ARG2: variants seen among roughly 807,000 people sequenced by gnomAD.
The protein encoded by ARG2 is arginase-2, mitochondrial.
In ARG2, 21 loss-of-function variants were observed where a neutral mutation model predicts 39.4. The ratio of observed to expected loss-of-function variants is 0.53; its 90% confidence interval spans 0.38 to 0.77. ARG2 has a LOEUF of 0.77. Among genes scored for constraint, ARG2 ranks in the 30% least tolerant of loss-of-function variants. ARG2 has a pLI of 0.00. For missense variants in ARG2, 378 were observed against 426.2 expected, an observed-to-expected ratio of 0.89 and a Z score of 1.00; for synonymous variants, 150 against 156.7, an observed-to-expected ratio of 0.96 and a Z score of 0.32.
chr14:67,645,457 G>A (rs1166444739), intron 3 of ARG2, among the ~76,000 whole-genome samples, 186 bp from the exon 4 acceptor site: 1 of 152,122 alleles, frequency 6.6e-6, no homozygotes, highest in East Asian at 1.9e-4. Flanking sequence ...GAATCTCTAG[G>A]GCTTTATCAC....
intron 2 of ARG2, among the ~76,000 whole-genome samples, chr14:67,641,149 T>C (rs1421216561): frequency 6.6e-6 from 1 of 152,166 alleles, no homozygotes; most frequent in Non-Finnish European, 1.5e-5. Context: ...TCTGATGGTT[T>C]AATGCACACA....
chr14:67,639,170 C>T (rs2037004090), intron 2 of ARG2, among the ~76,000 whole-genome samples: 2 of 152,200 alleles, frequency 1.3e-5, no homozygotes, highest in Admixed American at 6.5e-5. Context: ...TCTTTAGGTT[C>T]CTTTTTAGGC....
At chr14:67,622,678 T>C (rs1251177724) in intron 2 of ARG2, among the ~76,000 whole-genome samples, 1 of 152,232 alleles carries the variant, frequency 6.6e-6, no homozygotes, top group African/African-American at 2.4e-5. Flanking sequence ...AAAAGAATCA[T>C]TTTACACTGA....
Position 67,620,044 on chromosome 14 carries a change from G to T in ARG2, c.67G>T (p.Val23Phe), listed in dbSNP as rs1321534621. 4 of 1,611,802 alleles carry T rather than the reference G, an allele frequency of 2.5e-6. No homozygotes were observed. Among genetic ancestry groups the T allele is most frequent in the South Asian group, 1.1e-5 (1 of 90,716 alleles). The stretch of plus-strand genomic sequence containing the variant: ...AGTGCATTCCATCCTGAAGAAATCC[G>T]TCCACTCCGTGGCTGTGATAGGAGC... ...TRVHSILKKS[V>F]HSVAVIGAPF... is the part of the protein sequence containing the mutation. Residue 23 changes from valine (V) to phenylalanine (F), a missense_variant, in exon 1 of 8, where the codon GTC (valine) becomes TTC (phenylalanine). By Grantham distance (50) the Val-to-Phe change is conservative. Transcript: ENST00000261783.
At position 67,645,219 on chromosome 14, in the gene ARG2, G is replaced by T. The variant is rs1420962476; in HGVS notation, c.363-424G>T. 2.7e-5 allele frequency among the ~76,000 whole-genome samples: 4 copies of T among 147,306 alleles called. No homozygotes were observed. The Admixed American group carries it at 2.7e-4, about 10-fold the overall frequency. On this transcript the variant is annotated intron_variant, in intron 3 of 7. Coordinates refer to ENST00000261783, the MANE Select transcript of ARG2 (RefSeq NM_001172.4). Reference sequence around the variant, plus strand: ...TTTGGAGACAGGGTGTGACTATTTTGCCCAGGCTGGTCTTGAACCCCTGGG... The same window carrying T: ...TTTGGAGACAGGGTGTGACTATTTTTCCCAGGCTGGTCTTGAACCCCTGGG...
chr14:67,642,090 T>A (rs998140397), intron 2 of ARG2, 96 bp from the exon 3 acceptor site: 2 of 1,165,976 alleles, frequency 1.7e-6, no homozygotes, highest in South Asian at 2.8e-5. Context: ...ATGATTATGA[T>A]GTGTACTTTG....
chr14:67,621,565 C>T (rs956649423), intron 2 of ARG2, among the ~76,000 whole-genome samples: 3 of 151,740 alleles, frequency 2.0e-5, no homozygotes, highest in African/African-American at 7.3e-5. Flanking sequence ...AAGCAATTCT[C>T]CTCCCAAGTA....
rs141779491 is a variant in ARG2, at chr14:67,650,888, G to A, written c.1033G>A (p.Glu345Lys). 1.6e-4 allele frequency: 251 copies of A among 1,613,958 alleles called. No homozygotes were observed. Among genetic ancestry groups the A allele is most frequent in the Middle Eastern group, 1.6e-4 (1 of 6,084 alleles). The change falls in exon 8 of 8, where the codon GAA becomes AAA. Residue 345 changes from glutamate to lysine, a missense_variant. Coordinates refer to ENST00000261783, the MANE Select transcript of ARG2 (RefSeq NM_001172.4). ...ACTTCCTACTCCCAGTTCACCAGATGAATCAGAAAATCAAGCACGTGTGAG... is the reference window on the plus strand; with the variant it reads ...ACTTCCTACTCCCAGTTCACCAGATAAATCAGAAAATCAAGCACGTGTGAG... ...DQLPTPSSPD[E>K]SENQARVRI
rs59010135 is a variant in ARG2, at chr14:67,645,016, T to A, written c.363-627T>A. On this transcript the variant is annotated intron_variant, in intron 3 of 7. Transcript: ENST00000261783. Reference sequence around the variant, plus strand: ...CCGTCTTAAAAAAAAAAAAAAAAAATTGAATGCCATGCTAATATATATAAG... The same window carrying A: ...CCGTCTTAAAAAAAAAAAAAAAAAAATGAATGCCATGCTAATATATATAAG... Among the ~76,000 whole-genome samples, 753 of 121,918 alleles carry A rather than the reference T, an allele frequency of 6.2e-3. 8 individuals carry two copies. Among genetic ancestry groups the A allele is most frequent in the African/African-American group, 0.022 (668 of 30,032 alleles). 80.0% of individuals were successfully genotyped at this position (121,918 alleles called of 152,430 possible).
chr14:67,628,883 C>A (rs1196017853), intron 2 of ARG2, among the ~76,000 whole-genome samples: 2 of 151,824 alleles, frequency 1.3e-5, no homozygotes, highest in Admixed American at 6.6e-5. Context: ...TGGGTATGTA[C>A]CCAAAAGGAC....
At position 67,647,011 on chromosome 14, in the gene ARG2, T is replaced by C. The variant is rs2140781727; in HGVS notation, c.708T>C (p.Asp236=). 3.1e-6 allele frequency: 5 copies of C among 1,610,628 alleles called. No homozygotes were observed. Among genetic ancestry groups the C allele is most frequent in the Non-Finnish European group, 4.2e-6 (5 of 1,177,132 alleles). The change falls in exon 6 of 8, where the codon GAT becomes GAC. Residue 236 remains aspartate, a synonymous_variant. Coordinates refer to ENST00000261783, the MANE Select transcript of ARG2 (RefSeq NM_001172.4). ...GIQKVMERTF[D]LLIGKRQRPI... The stretch of plus-strand genomic sequence containing the variant: ...AGAAGGTCATGGAACGAACATTTGA[T>C]CTGCTGATTGGCAAGTAAGTAACTA...
intron 2 of ARG2, among the ~76,000 whole-genome samples, chr14:67,629,686 C>A (rs2036899192): frequency 6.6e-6 from 1 of 152,142 alleles, no homozygotes; most frequent in Non-Finnish European, 1.5e-5. Flanking sequence ...ACCCAGATTT[C>A]TTTTTTAATA....
At chr14:67,642,955 A>G (rs1288592141) in intron 3 of ARG2, among the ~76,000 whole-genome samples, 1 of 151,674 alleles carries the variant, frequency 6.6e-6, no homozygotes, top group East Asian at 1.9e-4. Context: ...GGTGCATGCC[A>G]CCATGCCTGG....
chr14:67,631,538 C>T (rs754484324), intron 2 of ARG2, among the ~76,000 whole-genome samples: 4 of 148,120 alleles, frequency 2.7e-5, no homozygotes, highest in African/African-American at 1.0e-4. Flanking sequence ...CAGGTTCAAA[C>T]GATCCTCCTA....
At chr14:67,649,694 C>CTA (rs1205293058) in intron 7 of ARG2, 2 of 152,076 alleles carry the variant, frequency 1.3e-5, no homozygotes, top group African/African-American at 4.8e-5. Flanking sequence ...CTATGCATTG[C>CTA]TAATAAGGGA....
rs572288877 is a variant in ARG2, at chr14:67,627,130, C to T, written c.184+6164C>T. On this transcript the variant is annotated intron_variant, in intron 2 of 7. Coordinates refer to ENST00000261783, the MANE Select transcript of ARG2 (RefSeq NM_001172.4). ...GGACTGTTGTAGAATTAGGTAGTGT[C>T]GATGGCTGCACAACTTCTTGAATAT... 3.0e-4 allele frequency among the ~76,000 whole-genome samples: 45 copies of T among 152,032 alleles called. 2 individuals are homozygous for T. The highest frequency in any genetic ancestry group is 2.4e-3 in the Admixed American group (37 of 15,262).
intron 2 of ARG2, 28 bp downstream of exon 2, chr14:67,620,994 T>C (rs916428575): frequency 1.2e-6 from 2 of 1,604,750 alleles, no homozygotes; most frequent in Non-Finnish European, 8.5e-7. Flanking sequence ...TAGATATTAG[T>C]GCAGGACTAG....
At chr14:67,630,611 G>A (rs905971516) in intron 2 of ARG2, among the ~76,000 whole-genome samples, 1 of 152,080 alleles carries the variant, frequency 6.6e-6, no homozygotes, top group African/African-American at 2.4e-5. Context: ...ATGGAGTCTC[G>A]CTCTGTCGCC....
chr14:67,639,494 T>C lies in ARG2; in HGVS notation c.185-2692T>C, dbSNP rs540414310. ...TATAAATCTTTTATAATTGTACACC[T>C]AATATTATAAAACACCAGGCATACC... On this transcript the variant is annotated intron_variant, in intron 2 of 7. Transcript: ENST00000261783. Among the ~76,000 whole-genome samples the C allele has an allele frequency of 2.0e-5, 3 of 152,270 alleles. No homozygotes were observed. In the South Asian group the frequency reaches 6.2e-4, roughly 32 times the overall value.
Sources: gnomAD v4.1 joint callset for allele counts (sites outside exome capture counted in the v4.1 genomes callset) on GRCh38, gnomAD v4.1.1 for gene constraint, MANE v1.5 for transcripts, NCBI Gene and HGNC (gene_info 2026-07-23, HGNC 2026-07-21) for gene names.